The following GRID2 variants were observed in gnomAD, a reference collection of about 807,000 sequenced individuals.
The protein encoded by GRID2 is glutamate ionotropic receptor delta type subunit 2, also known as glutamate receptor ionotropic, delta-2.
GRID2 carries 33 observed loss-of-function variants against 114.8 expected under a neutral mutation model. That is an observed-to-expected ratio of 0.29 (90% CI 0.22 to 0.38). The LOEUF (loss-of-function observed/expected upper bound fraction) is 0.38, where lower values mean the gene tolerates loss of function less well. Among genes scored for constraint, GRID2 ranks in the 10% least tolerant of loss-of-function variants. The pLI is 1.00. For missense variants in GRID2, 1,184 were observed against 1,257.7 expected (o/e 0.94, Z 0.89); for synonymous variants, 505 against 449.9 (o/e 1.12, Z -1.55).
chr4:93,362,789 G>A (rs1761996153), intron 8 of GRID2, among the ~76,000 whole-genome samples: 1 of 152,092 alleles, frequency 6.6e-6, no homozygotes, highest in South Asian at 2.1e-4. Flanking sequence ...AAGTTGGGTG[G>A]AAATTGCCTT....
intron 2 of GRID2, among the ~76,000 whole-genome samples, chr4:92,764,134 T>G (rs1738150154): frequency 6.6e-6 from 1 of 152,154 alleles, no homozygotes; most frequent in Non-Finnish European, 1.5e-5. Context: ...AACCTTTTCT[T>G]TGAAGACTTT....
intron 2 of GRID2, among the ~76,000 whole-genome samples, chr4:92,870,081 T>C (rs913373014): frequency 1.3e-5 from 2 of 151,832 alleles, no homozygotes; most frequent in East Asian, 3.9e-4. Context: ...CATGCCTGTA[T>C]TCCTAGCTAC....
At chr4:92,399,362 T>G (rs1323464535) in intron 1 of GRID2, among the ~76,000 whole-genome samples, 3 of 152,080 alleles carry the variant, frequency 2.0e-5, no homozygotes, top group African/African-American at 7.2e-5. Flanking sequence ...TCAGGCCCAC[T>G]CCTAATTGGA....
Position 92,650,838 on chromosome 4 carries a change from T to C in GRID2, c.244+60552T>C, listed in dbSNP as rs116455058. ...GCTATCAGAGAAACAGAACCACATA[T>C]AGTGGATGCTGATTCAGAGCCTATA... is the stretch of plus-strand genomic sequence containing the variant. On this transcript the variant is annotated intron_variant, in intron 2 of 15. Coordinates refer to ENST00000282020, the MANE Select transcript of GRID2 (RefSeq NM_001510.4). 4.4e-3 allele frequency among the ~76,000 whole-genome samples: 663 copies of C among 152,034 alleles called. 5 individuals carry two copies. The highest frequency in any genetic ancestry group is 0.015 in the African/African-American group (625 of 41,490).
chr4:92,405,890 T>A (rs2110290452), intron 1 of GRID2, among the ~76,000 whole-genome samples: 1 of 152,140 alleles, frequency 6.6e-6, no homozygotes, highest in Middle Eastern at 3.4e-3. Flanking sequence ...GGGAGTTTAT[T>A]AAGTATTAAA....
intron 1 of GRID2, among the ~76,000 whole-genome samples, chr4:92,365,376 G>T (rs1374375921): frequency 6.6e-6 from 1 of 151,988 alleles, no homozygotes; most frequent in Non-Finnish European, 1.5e-5. Flanking sequence ...AAATAAGTCA[G>T]GCACTGAGAG....
At chr4:92,920,035 A>G (rs1178237473) in intron 2 of GRID2, among the ~76,000 whole-genome samples, 1 of 152,162 alleles carries the variant, frequency 6.6e-6, no homozygotes, top group Non-Finnish European at 1.5e-5. Context: ...GTGCTCCTGT[A>G]TTGGGTGCAT....
rs563716982 is a variant in GRID2 at position 93,011,120 on chromosome 4, G to GTT, written c.245-73866_245-73865dup. On this transcript the variant is annotated intron_variant, in intron 2 of 15. Transcript: ENST00000282020. ...TTTTTTAAAAATATATTTAAGACAG[G>GTT]TTTTTTTTTTGTTTCTTTTTTGTTG... Among the ~76,000 whole-genome samples the GTT allele has an allele frequency of 1.5e-3, 207 of 142,156 alleles. 1 individual carries two copies. The highest frequency in any genetic ancestry group is 5.2e-3 in the African/African-American group (200 of 38,822). The allele number at this position is 142,156 out of a possible 152,430, so 93.3% of individuals were successfully genotyped here.
chr4:92,797,751 C>G (rs180843367), intron 2 of GRID2, among the ~76,000 whole-genome samples: 27 of 151,852 alleles, frequency 1.8e-4, no homozygotes, highest in African/African-American at 2.9e-4. Context: ...TGTCACAAAT[C>G]TACAAAATAT....
chr4:92,708,193 T>G (rs75704068), intron 2 of GRID2, among the ~76,000 whole-genome samples: 3,093 of 152,256 alleles, frequency 0.02, 41 homozygotes, highest in Non-Finnish European at 0.033. Flanking sequence ...GAAGGCAGTT[T>G]TACTTAAATT....
intron 2 of GRID2, among the ~76,000 whole-genome samples, chr4:92,710,313 TAAATG>T (rs1175732775): frequency 1.3e-5 from 2 of 152,192 alleles, no homozygotes; most frequent in Non-Finnish European, 2.9e-5. Context: ...AATTTTTAGA[TAAATG>T]AAATAATTAA....
At chr4:93,730,401 T>A (rs568205064) in intron 14 of GRID2, among the ~76,000 whole-genome samples, 1 of 152,200 alleles carries the variant, frequency 6.6e-6, no homozygotes, top group Non-Finnish European at 1.5e-5. Flanking sequence ...ACTAGGTAAG[T>A]GTGGAGCTCA....
intron 1 of GRID2, among the ~76,000 whole-genome samples, chr4:92,346,971 G>A (rs1727798481): frequency 6.6e-6 from 1 of 151,964 alleles, no homozygotes; most frequent in Non-Finnish European, 1.5e-5. Context: ...CTTCTCCTAG[G>A]CTGAATGTTT....
intron 1 of GRID2, among the ~76,000 whole-genome samples, chr4:92,419,745 T>C (rs1392151859): frequency 6.6e-6 from 1 of 152,012 alleles, no homozygotes; most frequent in African/African-American, 2.4e-5. Flanking sequence ...TAAAAACCCA[T>C]CTCTAAGAAC....
chr4:92,887,889 C>T (rs1015184788), intron 2 of GRID2, among the ~76,000 whole-genome samples: 12 of 152,160 alleles, frequency 7.9e-5, no homozygotes, highest in Non-Finnish European at 1.5e-4. Context: ...TTTCTGTCCT[C>T]TTTTATACCA....
intron 1 of GRID2, among the ~76,000 whole-genome samples, chr4:92,511,647 A>T (rs910171734): frequency 2.0e-5 from 3 of 151,894 alleles, no homozygotes; most frequent in Non-Finnish European, 2.9e-5. Context: ...TAAGAATTAA[A>T]ATATTGTTAA....
At chr4:92,305,022 G>C (rs1370784908) in intron 1 of GRID2, among the ~76,000 whole-genome samples, 1 of 152,176 alleles carries the variant, frequency 6.6e-6, no homozygotes, top group Non-Finnish European at 1.5e-5. Context: ...TGTGTGCTGG[G>C]AACTGCAGGG....
At chr4:93,214,128 A>G (rs931465237) in intron 5 of GRID2, among the ~76,000 whole-genome samples, 5 of 152,166 alleles carry the variant, frequency 3.3e-5, no homozygotes, top group African/African-American at 1.2e-4. Context: ...GGAATACTCT[A>G]TATCTTTTAA....
At chr4:92,399,695 GTGTT>G (rs1391896820) in intron 1 of GRID2, among the ~76,000 whole-genome samples, 1 of 151,070 alleles carries the variant, frequency 6.6e-6, no homozygotes, top group Non-Finnish European at 1.5e-5. Flanking sequence ...ACATACATGT[GTGTT>G]TGTGTGCATG....
Sources: allele counts gnomAD v4.1 joint callset (sites outside exome capture counted in the v4.1 genomes callset), GRCh38; gene constraint gnomAD v4.1.1; transcripts MANE v1.5; gene names NCBI Gene and HGNC (gene_info 2026-07-23, HGNC 2026-07-21).